The following SCAPER variants were observed in gnomAD, a reference collection of about 807,000 sequenced individuals.
SCAPER encodes the protein S-phase cyclin A associated protein in the ER.
A neutral mutation model predicts 182.2 loss-of-function variants in SCAPER; 98 were observed. The observed-to-expected ratio is 0.54, with a 90% CI of 0.46 to 0.64. The LOEUF (loss-of-function observed/expected upper bound fraction) is 0.64, where lower values mean the gene tolerates loss of function less well. Among genes scored for constraint, SCAPER ranks in the 30% least tolerant of loss-of-function variants. The pLI is 0.00. For synonymous variants in SCAPER, 605 were observed against 564.6 expected, an observed-to-expected ratio of 1.07 and a Z score of -1.01; for missense variants, 1,432 against 1,690.0, an observed-to-expected ratio of 0.85 and a Z score of 2.68.
chr15:76,514,783 G>A (rs965362440), intron 23 of SCAPER, among the ~76,000 whole-genome samples: 2 of 152,054 alleles, frequency 1.3e-5, no homozygotes, highest in African/African-American at 2.4e-5. Flanking sequence ...TTTTATGGTC[G>A]TTTTTCCCAA....
chr15:76,783,326 A>C (rs144043439), intron 8 of SCAPER, among the ~76,000 whole-genome samples: 2,367 of 152,294 alleles, frequency 0.016, 64 homozygotes, highest in African/African-American at 0.055. Context: ...TCCCAAGACT[A>C]AACTGGGAAG....
At chr15:76,801,553 T>C (rs969074578) in intron 6 of SCAPER, among the ~76,000 whole-genome samples, 5 of 152,216 alleles carry the variant, frequency 3.3e-5, no homozygotes, top group Non-Finnish European at 7.3e-5. Context: ...TAGAGCACTT[T>C]AAGACTGCTT....
intron 24 of SCAPER, among the ~76,000 whole-genome samples, chr15:76,477,318 G>T (rs2050732719): frequency 6.6e-6 from 1 of 152,140 alleles, no homozygotes; most frequent in African/African-American, 2.4e-5. Flanking sequence ...AGACACTAAA[G>T]ACTGGGAAGC....
intron 23 of SCAPER, among the ~76,000 whole-genome samples, chr15:76,564,029 G>T (rs940870811): frequency 6.6e-6 from 1 of 152,028 alleles, no homozygotes; most frequent in Non-Finnish European, 1.5e-5. Context: ...AATAATAAGA[G>T]CCATCTACGA....
At chr15:76,872,878 CAATT>C (rs1189663737) in intron 2 of SCAPER, among the ~76,000 whole-genome samples, 1 of 151,674 alleles carries the variant, frequency 6.6e-6, no homozygotes, top group South Asian at 2.1e-4. Context: ...GGGGAGTAAA[CAATT>C]AAAGTGGATA....
intron 23 of SCAPER, among the ~76,000 whole-genome samples, chr15:76,539,045 C>T (rs2044476843): frequency 6.6e-6 from 1 of 151,040 alleles, no homozygotes; most frequent in Non-Finnish European, 1.5e-5. Context: ...TAACTAAATG[C>T]CAAGTAAACT....
At chr15:76,376,364 T>G (rs2042566134) in intron 28 of SCAPER, 53 bp from the exon 29 acceptor site, 1 of 1,532,326 alleles carries the variant, frequency 6.5e-7, no homozygotes, top group South Asian at 1.3e-5. Flanking sequence ...GAGCCAGGGC[T>G]GCAAATCACA....
chr15:76,630,187 A>G (rs1264056897), intron 21 of SCAPER, among the ~76,000 whole-genome samples: 2 of 151,104 alleles, frequency 1.3e-5, no homozygotes, highest in Admixed American at 6.6e-5. Flanking sequence ...ATTCTTCTCT[A>G]TTTTCTTCTT....
At chr15:76,802,216 A>T (rs1026308737) in intron 6 of SCAPER, among the ~76,000 whole-genome samples, 2 of 152,242 alleles carry the variant, frequency 1.3e-5, no homozygotes, top group Non-Finnish European at 2.9e-5. Context: ...GGTCAAAGAC[A>T]TCCAAAAGTT....
At chr15:76,519,049 C>T (rs1603856) in intron 23 of SCAPER, among the ~76,000 whole-genome samples, 26,113 of 152,166 alleles carry the variant, frequency 0.17, 2,743 homozygotes, top group Middle Eastern at 0.26. Context: ...TGCTCATTTA[C>T]GGCAAACAAA....
At chr15:76,683,581 TG>T (rs1243868902) in intron 20 of SCAPER, among the ~76,000 whole-genome samples, 3 of 151,632 alleles carry the variant, frequency 2.0e-5, no homozygotes, top group Admixed American at 6.6e-5. Context: ...CTATACAAGA[TG>T]GCCATCCCCA....
At chr15:76,629,561 T>C (rs62026892) in intron 21 of SCAPER, among the ~76,000 whole-genome samples, 14,184 of 152,280 alleles carry the variant, frequency 0.093, 814 homozygotes, top group African/African-American at 0.15. Context: ...ATGAATTATG[T>C]TTACTGATTT....
intron 5 of SCAPER, among the ~76,000 whole-genome samples, chr15:76,805,858 T>G (rs1311919572): frequency 6.6e-6 from 1 of 152,192 alleles, no homozygotes; most frequent in Non-Finnish European, 1.5e-5. Context: ...TGATCCACCG[T>G]GCCCAGCCGA....
intron 5 of SCAPER, among the ~76,000 whole-genome samples, chr15:76,819,988 A>G (rs1376694265): frequency 3.9e-5 from 6 of 152,256 alleles, no homozygotes; most frequent in African/African-American, 1.2e-4. Context: ...ACATGAAAAA[A>G]TGCTCATCAT....
intron 22 of SCAPER, among the ~76,000 whole-genome samples, chr15:76,603,850 T>C (rs1217345910): frequency 8.2e-6 from 1 of 122,204 alleles, no homozygotes; most frequent in Admixed American, 9.3e-5. Context: ...TATCTGTTCA[T>C]ATCCTTTGCC....
intron 2 of SCAPER, among the ~76,000 whole-genome samples, chr15:76,864,196 T>A (rs75230761): frequency 0.015 from 2,351 of 152,328 alleles, 61 homozygotes; most frequent in African/African-American, 0.054. Flanking sequence ...TTATACTGAT[T>A]GATTTCAATC....
At chr15:76,899,297 TGGGGTTCCA>T (rs1388388429) in intron 1 of SCAPER, among the ~76,000 whole-genome samples, 14 of 152,154 alleles carry the variant, frequency 9.2e-5, no homozygotes, top group Admixed American at 9.2e-4. Context: ...GCCGAGTGCC[TGGGGTTCCA>T]GGCACGCGCC....
intron 21 of SCAPER, among the ~76,000 whole-genome samples, chr15:76,622,323 C>A (rs2052159148): frequency 6.6e-6 from 1 of 151,954 alleles, no homozygotes; most frequent in African/African-American, 2.4e-5. Context: ...ATGTTAACTG[C>A]TCATCCAAAG....
chr15:76,797,814 A>G (rs1162695097), intron 7 of SCAPER, among the ~76,000 whole-genome samples: 1 of 152,176 alleles, frequency 6.6e-6, no homozygotes, highest in Non-Finnish European at 1.5e-5. Context: ...GAATGAGTTA[A>G]GTGTAGCACT....
Sources: allele counts gnomAD v4.1 joint callset (sites outside exome capture counted in the v4.1 genomes callset), GRCh38; gene constraint gnomAD v4.1.1; transcripts MANE v1.5; gene names NCBI Gene and HGNC (gene_info 2026-07-23, HGNC 2026-07-21).